NHEJ1: variants seen among roughly 807,000 people sequenced by gnomAD.
NHEJ1 encodes non-homologous end-joining factor 1.
A neutral mutation model predicts 39.4 loss-of-function variants in NHEJ1; 22 were observed. The observed-to-expected ratio is 0.56, with a 90% CI of 0.40 to 0.80. NHEJ1 has a LOEUF of 0.80. NHEJ1 is among the 30% of genes least tolerant of loss of function. NHEJ1 has a pLI of 0.00. For missense variants in NHEJ1, 329 were observed against 357.1 expected (o/e 0.92, Z 0.63); for synonymous variants, 154 against 135.6 (o/e 1.14, Z -0.94).
chr2:219,124,444 C>T (rs956844401), intron 5 of NHEJ1, among the ~76,000 whole-genome samples: 2 of 151,938 alleles, frequency 1.3e-5, no homozygotes, highest in Non-Finnish European at 2.9e-5. Context: ...CTGCACACCT[C>T]TCATACACCC....
chr2:219,108,526 C>T (rs768844897), intron 5 of NHEJ1, among the ~76,000 whole-genome samples: 62 of 152,176 alleles, frequency 4.1e-4, no homozygotes, highest in Non-Finnish European at 7.8e-4. Flanking sequence ...CTACTCTAGT[C>T]ATCCACAAAA....
At chr2:219,152,666 T>C (rs1487675697) in intron 3 of NHEJ1, among the ~76,000 whole-genome samples, 1 of 151,972 alleles carries the variant, frequency 6.6e-6, no homozygotes, top group East Asian at 1.9e-4. Flanking sequence ...TGGGTTTCAC[T>C]GTGTTGCCCA....
At chr2:219,141,216 C>CA (rs949331712) in intron 5 of NHEJ1, among the ~76,000 whole-genome samples, 3 of 152,044 alleles carry the variant, frequency 2.0e-5, no homozygotes, top group African/African-American at 7.3e-5. Flanking sequence ...TCCATCTCTA[C>CA]AAAAAATACA....
rs373057307 is a variant in NHEJ1, at chr2:219,159,552, C to CATATATATATATGCAT, written c.-1+1167_-1+1168insATGCATATATATATAT. 8.1e-3 allele frequency among the ~76,000 whole-genome samples: 537 copies of CATATATATATATGCAT among 66,276 alleles called. 43 individuals carry two copies. The highest frequency in any genetic ancestry group is 0.06 in the East Asian group (104 of 1,720). 43.5% of individuals were successfully genotyped at this position (66,276 alleles called of 152,430 possible). A position where few individuals can be genotyped will look rare whatever the true frequency, so the allele number is the denominator to read the frequency against. On this transcript the variant is annotated intron_variant, in intron 1 of 7. Coordinates refer to ENST00000356853, the MANE Select transcript of NHEJ1 (RefSeq NM_024782.3). Reference sequence around the variant, plus strand: ...ATATATATATGCATATATATATATGCATATATATATGCATATATATATGCA... The same window carrying CATATATATATATGCAT: ...ATATATATATGCATATATATATATGCATATATATATATGCATATATATATATGCATATATATATGCA...
intron 5 of NHEJ1, among the ~76,000 whole-genome samples, chr2:219,144,511 T>A (rs1185057738): frequency 6.6e-6 from 1 of 151,898 alleles, no homozygotes; most frequent in Non-Finnish European, 1.5e-5. Context: ...CCAAACAAGG[T>A]GAAGCTGACA....
Position 219,076,344 on chromosome 2 carries a change from C to T in NHEJ1, c.*37G>A, listed in dbSNP as rs187221. 3 of 1,614,062 alleles carry T rather than the reference C, an allele frequency of 1.9e-6. No individual in the cohort carries two copies. Among genetic ancestry groups the T allele is most frequent in the African/African-American group, 1.3e-5 (1 of 74,992 alleles). On this transcript the variant is annotated 3_prime_UTR_variant, in exon 8 of 8. Coordinates refer to ENST00000356853, the MANE Select transcript of NHEJ1 (RefSeq NM_024782.3). ...TTCAAGGTGAAGCTTGGAAGCTGTTCTCCAAGTCCATCCTCAGCAGCTGAG... is the reference window on the plus strand; with the variant it reads ...TTCAAGGTGAAGCTTGGAAGCTGTTTTCCAAGTCCATCCTCAGCAGCTGAG...
At position 219,105,864 on chromosome 2, in the gene NHEJ1, A is replaced by G. The variant is rs114432610; in HGVS notation, c.589-27658T>C. Among the ~76,000 whole-genome samples, 212 of 152,226 alleles carry G rather than the reference A, an allele frequency of 1.4e-3. 1 individual carries two copies. The highest frequency in any genetic ancestry group is 4.8e-3 in the African/African-American group (201 of 41,540). On this transcript the variant is annotated intron_variant, in intron 5 of 7. Coordinates refer to ENST00000356853, the MANE Select transcript of NHEJ1 (RefSeq NM_024782.3). Reference sequence around the variant, plus strand: ...CCTATATTTGCTCTCATTTCGTTCTATACTGTATTTCAATTCAGTATTTAC... The same window carrying G: ...CCTATATTTGCTCTCATTTCGTTCTGTACTGTATTTCAATTCAGTATTTAC...
At chr2:219,094,753 C>T (rs1001256917) in intron 5 of NHEJ1, among the ~76,000 whole-genome samples, 23 of 151,962 alleles carry the variant, frequency 1.5e-4, no homozygotes, top group African/African-American at 5.1e-4. Flanking sequence ...TGTGCTAACC[C>T]CCTATCCTCA....
At position 219,073,767 on chromosome 2, in the gene NHEJ1, GGGAGCGGGCGGGTA is replaced by G. The variant is rs1259983367; in HGVS notation, c.*2600_*2613del. Among the ~76,000 whole-genome samples, 13 of 152,248 alleles carry G rather than the reference GGGAGCGGGCGGGTA, an allele frequency of 8.5e-5. No individual in the cohort carries two copies. The highest frequency in any genetic ancestry group is 3.1e-4 in the African/African-American group (13 of 41,466). ...AGCCCTGGCCCCAGCCCCAGCCCCG[GGGAGCGGGCGGGTA>G]GGCGGGGAGGTGGGCCACTGCTTTA... On this transcript the variant is annotated 3_prime_UTR_variant, in exon 8 of 8. Coordinates refer to ENST00000356853, the MANE Select transcript of NHEJ1 (RefSeq NM_024782.3).
At chr2:219,110,414 C>T (rs975168612) in intron 5 of NHEJ1, among the ~76,000 whole-genome samples, 6 of 151,054 alleles carry the variant, frequency 4.0e-5, no homozygotes, top group South Asian at 2.1e-4. Flanking sequence ...CCCAACTACT[C>T]GGGAGGCTAA....
At chr2:219,095,546 C>T (rs1045113337) in intron 5 of NHEJ1, among the ~76,000 whole-genome samples, 1 of 152,174 alleles carries the variant, frequency 6.6e-6, no homozygotes, top group African/African-American at 2.4e-5. Context: ...TAGCCTCTGC[C>T]AACTTCTTGT....
Position 219,111,227 on chromosome 2 carries a change from T to C in NHEJ1, c.589-33021A>G, listed in dbSNP as rs920287417. ...TATTATTCATAAAAGCATAGACTACTAAAAGGTGGAAGCCAGATTTATCTC... is the reference window on the plus strand; with the variant it reads ...TATTATTCATAAAAGCATAGACTACCAAAAGGTGGAAGCCAGATTTATCTC... On this transcript the variant is annotated intron_variant, in intron 5 of 7. Coordinates refer to ENST00000356853, the MANE Select transcript of NHEJ1 (RefSeq NM_024782.3). This position sits in a 1 kb window ranked among gnomAD's most constrained non-coding sequence, Gnocchi z 4.1. Among the ~76,000 whole-genome samples the C allele has an allele frequency of 2.0e-5, 3 of 152,148 alleles. No individual in the cohort carries two copies. The highest frequency in any genetic ancestry group is 2.9e-5 in the Non-Finnish European group (2 of 68,022).
chr2:219,128,269 C>T (rs1474405375), intron 5 of NHEJ1, among the ~76,000 whole-genome samples: 1 of 152,188 alleles, frequency 6.6e-6, no homozygotes, highest in African/African-American at 2.4e-5. Context: ...GAGGACTTAT[C>T]TCAATGAACA....
intron 5 of NHEJ1, among the ~76,000 whole-genome samples, chr2:219,136,592 A>G (rs1333801023): frequency 1.3e-5 from 2 of 149,842 alleles, no homozygotes; most frequent in Non-Finnish European, 1.5e-5. Context: ...CGTAGCCCCT[A>G]CTTGGTTTCT....
chr2:219,101,955 A>C (rs1949265605), intron 5 of NHEJ1, among the ~76,000 whole-genome samples: 1 of 143,416 alleles, frequency 7.0e-6, no homozygotes, highest in South Asian at 2.2e-4. Flanking sequence ...CGATCTCCTG[A>C]CCTCGTGATC....
intron 5 of NHEJ1, chr2:219,125,515 C>G (rs1400728251): frequency 6.6e-6 from 1 of 152,550 alleles, no homozygotes; most frequent in Non-Finnish European, 1.5e-5. Flanking sequence ...GGCCACCACA[C>G]AAGGGATCTT....
chr2:219,157,945 T>C (rs1191951374), intron 2 of NHEJ1, among the ~76,000 whole-genome samples: 23 of 151,508 alleles, frequency 1.5e-4, no homozygotes, highest in Admixed American at 1.5e-3. Context: ...TTCATTATCA[T>C]GCATAGGGTA....
At chr2:219,146,072 T>C (rs1330002116) in intron 5 of NHEJ1, among the ~76,000 whole-genome samples, 2 of 152,230 alleles carry the variant, frequency 1.3e-5, no homozygotes, top group Non-Finnish European at 2.9e-5. Context: ...TTATTAATAC[T>C]TTCCCTATTT....
At chr2:219,112,032 T>C (rs570788209) in intron 5 of NHEJ1, among the ~76,000 whole-genome samples, 3 of 152,194 alleles carry the variant, frequency 2.0e-5, no homozygotes, top group African/African-American at 7.2e-5. Context: ...AGGCAGTCTC[T>C]GAAAGTGGGG....
Sources: allele counts gnomAD v4.1 joint callset (sites outside exome capture counted in the v4.1 genomes callset), GRCh38; gene constraint gnomAD v4.1.1; non-coding constraint Gnocchi (gnomAD v3.1); transcripts MANE v1.5; gene names NCBI Gene and HGNC (gene_info 2026-07-23, HGNC 2026-07-21).